RAPGEF5: variants seen among roughly 807,000 people sequenced by gnomAD.
The protein encoded by RAPGEF5 is Rap guanine nucleotide exchange factor 5.
Under a neutral mutation model 125.2 loss-of-function variants are expected in RAPGEF5, and 65 were observed. The observed-to-expected ratio is 0.52, with a 90% CI of 0.43 to 0.64. The LOEUF (loss-of-function observed/expected upper bound fraction) is 0.64. Ranked by LOEUF, RAPGEF5 falls within the 30% of genes least tolerant of loss-of-function variation. The probability of loss-of-function intolerance (pLI) is 0.00; values close to 1 mark genes in which losing one functional copy is unlikely to be tolerated. For missense variants in RAPGEF5, 958 were observed against 1,048.1 expected (o/e 0.91, Z 1.19); for synonymous variants, 391 against 385.9 (o/e 1.01, Z -0.16).
intron 6 of RAPGEF5, among the ~76,000 whole-genome samples, chr7:22,281,842 C>A (rs918493088): frequency 6.6e-6 from 1 of 152,220 alleles, no homozygotes; most frequent in African/African-American, 2.4e-5. Flanking sequence ...GCCTCACTGG[C>A]TATTTCTGTC....
intron 6 of RAPGEF5, among the ~76,000 whole-genome samples, chr7:22,288,040 T>C (rs1782838845): frequency 6.6e-6 from 1 of 152,212 alleles, no homozygotes; most frequent in Non-Finnish European, 1.5e-5. Context: ...TCTTACCTCA[T>C]TTTCTTCAGT....
chr7:22,217,287 G>A (rs1329549224), intron 9 of RAPGEF5, among the ~76,000 whole-genome samples: 1 of 152,168 alleles, frequency 6.6e-6, no homozygotes, highest in Non-Finnish European at 1.5e-5. Flanking sequence ...TTTACGTTAA[G>A]TAAACTGCAG....
chr7:22,263,378 C>T (rs1782203911), intron 7 of RAPGEF5, among the ~76,000 whole-genome samples: 1 of 152,132 alleles, frequency 6.6e-6, no homozygotes, highest in Non-Finnish European at 1.5e-5. Context: ...ATAAGATGAT[C>T]CTTTTATTAA....
intron 7 of RAPGEF5, among the ~76,000 whole-genome samples, chr7:22,241,833 A>T (rs377200152): frequency 6.6e-6 from 1 of 152,252 alleles, no homozygotes; most frequent in East Asian, 1.9e-4. Context: ...ATATTCCAAC[A>T]CCCAAAGCAG....
intron 1 of RAPGEF5, among the ~76,000 whole-genome samples, chr7:22,340,195 T>A (rs1322691225): frequency 6.6e-6 from 1 of 152,096 alleles, no homozygotes; most frequent in Admixed American, 6.6e-5. Context: ...AGGAGTGCTG[T>A]GCTGGGAAAC....
At chr7:22,264,348 G>A (rs539910688) in intron 7 of RAPGEF5, among the ~76,000 whole-genome samples, 1 of 152,298 alleles carries the variant, frequency 6.6e-6, no homozygotes, top group Non-Finnish European at 1.5e-5. Flanking sequence ...CTGTCCCTGA[G>A]AAGTTGCCAA....
At chr7:22,329,547 T>C (rs1415957254) in intron 1 of RAPGEF5, among the ~76,000 whole-genome samples, 1 of 152,006 alleles carries the variant, frequency 6.6e-6, no homozygotes, top group Non-Finnish European at 1.5e-5. Flanking sequence ...TCTTAACACA[T>C]GGAAATATTT....
chr7:22,321,543 A>G (rs1414392552), intron 1 of RAPGEF5, among the ~76,000 whole-genome samples: 1 of 152,234 alleles, frequency 6.6e-6, no homozygotes, highest in Non-Finnish European at 1.5e-5. Flanking sequence ...CTAAGGGGTG[A>G]GAGAAATAAA....
At chr7:22,232,618 G>A (rs1054213883) in intron 7 of RAPGEF5, among the ~76,000 whole-genome samples, 1 of 152,132 alleles carries the variant, frequency 6.6e-6, no homozygotes, top group Non-Finnish European at 1.5e-5. Context: ...ACCACGCTTG[G>A]CCTGTGTACT....
intron 2 of RAPGEF5, among the ~76,000 whole-genome samples, chr7:22,317,476 G>A (rs192084662): frequency 2.6e-5 from 4 of 151,888 alleles, no homozygotes; most frequent in Middle Eastern, 3.4e-3. Context: ...TCCTGACCTC[G>A]TGATCTGCCC....
intron 11 of RAPGEF5, chr7:22,191,473 C>T (rs2128125272): frequency 2.3e-6 from 1 of 432,320 alleles, no homozygotes; most frequent in Non-Finnish European, 5.0e-6. Context: ...CATTTGTGTC[C>T]CTCCCCCAAA....
chr7:22,325,715 C>A (rs1482772449), intron 1 of RAPGEF5, among the ~76,000 whole-genome samples: 2 of 152,188 alleles, frequency 1.3e-5, no homozygotes, highest in African/African-American at 4.8e-5. Context: ...CAGGTGCACA[C>A]CACCATGCCT....
chr7:22,169,859 C>A (rs1368883872), intron 11 of RAPGEF5, among the ~76,000 whole-genome samples: 7 of 25,940 alleles, frequency 2.7e-4, no homozygotes, highest in African/African-American at 4.1e-4. Flanking sequence ...GACTCTGTGT[C>A]AAAAAAAAAA....
chr7:22,189,186 A>G (rs892992428), intron 11 of RAPGEF5, among the ~76,000 whole-genome samples: 1 of 151,662 alleles, frequency 6.6e-6, no homozygotes, highest in African/African-American at 2.4e-5. Context: ...ACTTGTAATC[A>G]TAAGTACATT....
intron 11 of RAPGEF5, among the ~76,000 whole-genome samples, chr7:22,169,926 C>T (rs1288190405): frequency 7.4e-6 from 1 of 135,944 alleles, no homozygotes; most frequent in African/African-American, 2.7e-5. Context: ...AGGAGGATGG[C>T]TGGAACCCAG....
chr7:22,193,989 C>G lies in RAPGEF5; in HGVS notation c.1041G>C (p.Gln347His), dbSNP rs936977302. The G allele has an allele frequency of 1.9e-6, 3 of 1,613,926 alleles. No homozygotes were observed. The highest frequency in any genetic ancestry group is 2.5e-6 in the Non-Finnish European group (3 of 1,179,866). ...GCACTTTCTTCAGCACCAGGACGCT[C>G]TGGTCTTGCTCTTTAACCTGAACAG... ...VTTVQVKEQD[Q>H]SVLVLKKVQC... The change falls in exon 10 of 26, where the codon CAG becomes CAC. Residue 347 changes from glutamine (Q) to histidine (H), a missense_variant. Coordinates refer to ENST00000665637, the MANE Select transcript of RAPGEF5 (RefSeq NM_012294.5).
chr7:22,150,306 CA>C lies in RAPGEF5; in HGVS notation c.1884+100del, dbSNP rs1269407822. On this transcript the variant is annotated intron_variant, in intron 18 of 25. Coordinates refer to ENST00000665637, the MANE Select transcript of RAPGEF5 (RefSeq NM_012294.5). ...TAAGCTGGTCTCAAACTTCTGAGCTCAAGCCATCTTCCTGCCTTGGCCTCCC... is the reference window on the plus strand; with the variant it reads ...TAAGCTGGTCTCAAACTTCTGAGCTCAGCCATCTTCCTGCCTTGGCCTCCC... 1.3e-5 allele frequency: 16 copies of C among 1,208,524 alleles called. No homozygotes were observed. In the East Asian group the frequency reaches 3.6e-4, roughly 27 times the overall value. The allele number at this position is 1,208,524 out of a possible 1,614,324, so 74.9% of individuals were successfully genotyped here.
chr7:22,317,892 C>G (rs1583575275), intron 2 of RAPGEF5, 95 bp downstream of exon 2: 2 of 1,500,768 alleles, frequency 1.3e-6, no homozygotes, highest in African/African-American at 1.4e-5. Context: ...TCTATGTGGT[C>G]AGGAGCAAAG....
At chr7:22,136,896 T>G (rs1020031426) in intron 22 of RAPGEF5, 37 bp downstream of exon 22, 3 of 1,502,758 alleles carry the variant, frequency 2.0e-6, no homozygotes, top group East Asian at 2.3e-5. Flanking sequence ...CTAGCAATTA[T>G]TTTGAAGAAT....
Sources: allele counts gnomAD v4.1 joint callset (sites outside exome capture counted in the v4.1 genomes callset), GRCh38; gene constraint gnomAD v4.1.1; transcripts MANE v1.5; gene names NCBI Gene and HGNC (gene_info 2026-07-23, HGNC 2026-07-21).